Variants in RTF1 observed in about 807,000 individuals in gnomAD.
RTF1 encodes the protein RNA polymerase-associated protein RTF1 homolog.
RTF1 carries 10 observed loss-of-function variants against 95.7 expected under a neutral mutation model. That is an observed-to-expected ratio of 0.10 (90% CI 0.06 to 0.18). RTF1 has a LOEUF of 0.18. Ranked by LOEUF, RTF1 falls within the 10% of genes least tolerant of loss-of-function variation. The pLI is 1.00. For synonymous variants in RTF1, 305 were observed against 311.8 expected (o/e 0.98, Z 0.23); for missense variants, 458 against 875.6 (o/e 0.52, Z 6.02).
rs2050981508 is a variant in RTF1 at position 41,482,357 on chromosome 15, T to G, written c.*1670T>G. 1 of 152,546 alleles carries G rather than the reference T, an allele frequency of 6.6e-6. No individual in the cohort carries two copies. The highest frequency in any genetic ancestry group is 2.1e-4 in the South Asian group (1 of 4,826). The allele number at this position is 152,546 out of a possible 1,614,324, so 9.4% of individuals were successfully genotyped here. A position where few individuals can be genotyped will look rare whatever the true frequency, so the allele number is the denominator to read the frequency against. On this transcript the variant is annotated 3_prime_UTR_variant, in exon 18 of 18. Transcript: ENST00000389629. ...CTAAGCTAAAGGAACAGCTGAGAGCTCCGATCTCCACGAGAGACTAATCTA... is the reference window on the plus strand; with the variant it reads ...CTAAGCTAAAGGAACAGCTGAGAGCGCCGATCTCCACGAGAGACTAATCTA...
intron 3 of RTF1, among the ~76,000 whole-genome samples, chr15:41,454,489 A>G (rs1464286840): frequency 2.0e-5 from 3 of 152,192 alleles, no homozygotes; most frequent in African/African-American, 7.2e-5. Context: ...AAGTTGATTT[A>G]CTCAAGAATC....
chr15:41,479,226 C>A, intron 16 of RTF1, 28 bp downstream of exon 16: 1 of 1,450,194 alleles, frequency 6.9e-7, no homozygotes, highest in Non-Finnish European at 9.7e-7. Context: ...CTGTTGCCTG[C>A]TGAGTGAGGC....
chr15:41,477,403 T>A, intron 13 of RTF1, 55 bp from the exon 14 acceptor site: 1 of 1,612,340 alleles, frequency 6.2e-7, no homozygotes, highest in Non-Finnish European at 8.5e-7. Context: ...CAGGGCTCAG[T>A]GGTTCCCTCC....
At chr15:41,451,847 A>T (rs891358667) in intron 2 of RTF1, among the ~76,000 whole-genome samples, 1 of 152,136 alleles carries the variant, frequency 6.6e-6, no homozygotes, top group Non-Finnish European at 1.5e-5. Context: ...ATAAAACATC[A>T]GAAGTGTTTT....
At chr15:41,464,596 G>A (rs2050871044) in intron 4 of RTF1, among the ~76,000 whole-genome samples, 175 bp from the exon 5 acceptor site, 1 of 151,994 alleles carries the variant, frequency 6.6e-6, no homozygotes, top group Non-Finnish European at 1.5e-5. Flanking sequence ...TTTATATTTT[G>A]TTGTAATTAA....
chr15:41,463,571 T>C (rs1245519821), intron 4 of RTF1, among the ~76,000 whole-genome samples: 2 of 151,910 alleles, frequency 1.3e-5, no homozygotes, highest in East Asian at 3.9e-4. Context: ...AGCCTCAATC[T>C]CCTGGGCTCA....
At chr15:41,465,541 T>C (rs1156587898) in intron 5 of RTF1, among the ~76,000 whole-genome samples, 2 of 152,110 alleles carry the variant, frequency 1.3e-5, no homozygotes, top group African/African-American at 4.8e-5. Flanking sequence ...CTCGGGGGGC[T>C]GAGGCACAAG....
At chr15:41,479,331 TC>T in intron 16 of RTF1, 133 bp downstream of exon 16, 1 of 614,414 alleles carries the variant, frequency 1.6e-6, no homozygotes, top group South Asian at 2.0e-5. Context: ...CCCTTCTCCA[TC>T]CCAGTTATTT....
intron 1 of RTF1, among the ~76,000 whole-genome samples, chr15:41,423,626 C>T (rs1349259265): frequency 1.3e-5 from 2 of 152,154 alleles, no homozygotes; most frequent in Non-Finnish European, 2.9e-5. Flanking sequence ...ACCTCGGCCT[C>T]CCAAAGTGCT....
At chr15:41,464,147 G>C (rs570716218) in intron 4 of RTF1, among the ~76,000 whole-genome samples, 1 of 151,564 alleles carries the variant, frequency 6.6e-6, no homozygotes, top group Admixed American at 6.6e-5. Flanking sequence ...ACTGCACCGG[G>C]CCTGTTTGTT....
chr15:41,450,509 G>A (rs539584166), intron 2 of RTF1, among the ~76,000 whole-genome samples: 2 of 151,638 alleles, frequency 1.3e-5, no homozygotes, highest in Non-Finnish European at 2.9e-5. Context: ...GGCGTGAACC[G>A]GGGAGGCGGA....
rs997197411 is a variant in RTF1 at position 41,438,347 on chromosome 15, G to A, written c.225G>A (p.Lys75=). 1.3e-6 allele frequency: 2 copies of A among 1,550,848 alleles called. No individual in the cohort carries two copies. Among genetic ancestry groups the A allele is most frequent in the Admixed American group, 2.0e-5 (1 of 50,958 alleles). ...AGCTCTTGTCCCTGGCAAAGCGAAA[G>A]CGCAGTGACTCTGAGGAGAAGGAGC... ...DQELLSLAKR[K]RSDSEEKEPP... The change falls in exon 2 of 18, where the codon AAG becomes AAA. Residue 75 remains lysine (K), a synonymous_variant. Coordinates refer to ENST00000389629, the MANE Select transcript of RTF1 (RefSeq NM_015138.5).
chr15:41,467,047 C>T (rs1208821579), intron 6 of RTF1, among the ~76,000 whole-genome samples: 2 of 152,130 alleles, frequency 1.3e-5, no homozygotes, highest in African/African-American at 4.8e-5. Context: ...CTGACTGTCT[C>T]TCAGTTTGTG....
rs868212074 is a variant in RTF1 at position 41,468,408 on chromosome 15, C to T, written c.890-1849C>T. Among the ~76,000 whole-genome samples, 375 of 152,064 alleles carry T rather than the reference C, an allele frequency of 2.5e-3. 3 individuals are homozygous for T. The highest frequency in any genetic ancestry group is 6.8e-3 in the Middle Eastern group (2 of 294). On this transcript the variant is annotated intron_variant, in intron 6 of 17. Transcript: ENST00000389629. ...TCTCGGCTCACTGCAAGCTCCGCCT[C>T]CTGGGTTCACACCATTCTCCTGCCT...
At chr15:41,418,908 G>A (rs751334936) in intron 1 of RTF1, among the ~76,000 whole-genome samples, 7 of 151,944 alleles carry the variant, frequency 4.6e-5, no homozygotes, top group Non-Finnish European at 1.0e-4. Flanking sequence ...AGGCTGGAGT[G>A]CAGTGGTGCG....
rs1258015124 is a variant in RTF1, at chr15:41,417,198, G to A, written c.83G>A (p.Ser28Asn). The A allele has an allele frequency of 2.4e-6, 3 of 1,263,722 alleles. No homozygotes were observed. Among genetic ancestry groups the A allele is most frequent in the Non-Finnish European group, 3.0e-6 (3 of 999,804 alleles). The allele number at this position is 1,263,722 out of a possible 1,614,324, so 78.3% of individuals were successfully genotyped here. A position where few individuals can be genotyped will look rare whatever the true frequency, so the allele number is the denominator to read the frequency against. The change falls in exon 1 of 18, where the codon AGT becomes AAT. Residue 28 changes from serine (S) to asparagine (N), a missense_variant. By Grantham distance (46) the Ser-to-Asn change is conservative. Coordinates refer to ENST00000389629, the MANE Select transcript of RTF1 (RefSeq NM_015138.5). ...CCACTGGCAGGCGGGCAAGAGGGGA[G>A]TCCGGGCGGCGGCCGGCGTGGGAGC... ...AVPLAGGQEG[S>N]PGGGRRGSRG... is the part of the protein sequence containing the mutation.
At position 41,481,025 on chromosome 15, in the gene RTF1, G is replaced by A. The variant is rs1595442742; in HGVS notation, c.*338G>A. The A allele has an allele frequency of 4.4e-6, 1 of 228,624 alleles. No individual in the cohort carries two copies. The highest frequency in any genetic ancestry group is 9.5e-5 in the East Asian group (1 of 10,542). 14.2% of individuals were successfully genotyped at this position (228,624 alleles called of 1,614,324 possible). ...GCATTCAGTATTACCATGGAGCTGG[G>A]AATCTTGCTGGAGCCCCTGGGGCAA... On this transcript the variant is annotated 3_prime_UTR_variant, in exon 18 of 18. Transcript: ENST00000389629.
At chr15:41,426,993 C>G (rs935180894) in intron 1 of RTF1, among the ~76,000 whole-genome samples, 2 of 148,026 alleles carry the variant, frequency 1.4e-5, no homozygotes, top group Non-Finnish European at 3.0e-5. Flanking sequence ...AGGGGCCCAC[C>G]ACCACGCCCA....
intron 1 of RTF1, among the ~76,000 whole-genome samples, chr15:41,422,538 G>C (rs1267520427): frequency 2.6e-5 from 4 of 152,080 alleles, no homozygotes; most frequent in Non-Finnish European, 4.4e-5. Context: ...AAGCATTCAA[G>C]ATAATAAAGG....
Sources: gnomAD v4.1 joint callset for allele counts (sites outside exome capture counted in the v4.1 genomes callset) on GRCh38, gnomAD v4.1.1 for gene constraint, MANE v1.5 for transcripts, NCBI Gene and HGNC (gene_info 2026-07-23, HGNC 2026-07-21) for gene names.